BRAF: variants seen among roughly 807,000 people sequenced by gnomAD.
BRAF encodes the protein serine/threonine-protein kinase B-raf.
In BRAF, 16 loss-of-function variants were observed where a neutral mutation model predicts 104.6. The ratio of observed to expected loss-of-function variants is 0.15; its 90% CI spans 0.10 to 0.23. The LOEUF is 0.23. Among genes scored for constraint, BRAF ranks in the 10% least tolerant of loss-of-function variants. The pLI, the probability that BRAF is intolerant of heterozygous loss-of-function variation, is 1.00. For missense variants in BRAF, 541 were observed against 937.3 expected (o/e 0.58, Z 5.52); for synonymous variants, 310 against 341.6 (o/e 0.91, Z 1.02).
chr7:140,875,079 T>G (rs1043908598), intron 1 of BRAF, among the ~76,000 whole-genome samples: 2 of 152,198 alleles, frequency 1.3e-5, no homozygotes, highest in Non-Finnish European at 2.9e-5. Context: ...CAACTGAATC[T>G]CTGTTCTTTA....
chr7:140,713,585 TTGTC>T, the BRAF span, among the ~76,000 whole-genome samples: 1 of 152,206 alleles, frequency 6.6e-6, no homozygotes, highest in African/African-American at 2.4e-5. Flanking sequence ...AGTAGTTTGA[TTGTC>T]TGAAGCCTTC....
chr7:140,812,551 T>C (rs938472177), intron 3 of BRAF, among the ~76,000 whole-genome samples: 4 of 152,218 alleles, frequency 2.6e-5, no homozygotes, highest in South Asian at 2.1e-4. Flanking sequence ...CTAAGTTGCA[T>C]ATATATTTCA....
chr7:140,864,060 TTATAG>T (rs1256587854), intron 1 of BRAF, among the ~76,000 whole-genome samples: 2 of 152,314 alleles, frequency 1.3e-5, no homozygotes, highest in East Asian at 3.9e-4. Context: ...GCAGTATATA[TTATAG>T]TACCTCTAAT....
At chr7:140,873,879 C>T (rs1470447900) in intron 1 of BRAF, among the ~76,000 whole-genome samples, 1 of 152,168 alleles carries the variant, frequency 6.6e-6, no homozygotes, top group East Asian at 1.9e-4. Context: ...AGAAACCTTA[C>T]TGGCCTTGAA....
rs370327841 is a variant in BRAF, at chr7:140,870,365, T to C, written c.139-20153A>G. Among the ~76,000 whole-genome samples, 28 of 152,282 alleles carry C rather than the reference T, an allele frequency of 1.8e-4. 1 individual carries two copies. The highest frequency in any genetic ancestry group is 1.7e-3 in the East Asian group (9 of 5,188). On this transcript the variant is annotated intron_variant, in intron 1 of 19. Coordinates refer to ENST00000644969, the MANE Select transcript of BRAF (RefSeq NM_001374258.1). Reference sequence around the variant, plus strand: ...GACTTCTAAAAGAGAAATTAAAAAATAGAAACATTTCAAAAATATTCTTAA... The same window carrying C: ...GACTTCTAAAAGAGAAATTAAAAAACAGAAACATTTCAAAAATATTCTTAA...
intron 3 of BRAF, among the ~76,000 whole-genome samples, chr7:140,826,457 TTC>T (rs1359277909): frequency 1.3e-5 from 2 of 152,236 alleles, no homozygotes; most frequent in Non-Finnish European, 2.9e-5. Context: ...GTATTTGCTT[TTC>T]TCTTTCTCTG....
chr7:140,749,496 A>G (rs2128994922), intron 16 of BRAF, 78 bp from the exon 16 acceptor site: 1 of 1,483,870 alleles, frequency 6.7e-7, no homozygotes. Context: ...TAATTCCTAG[A>G]GCAATGCTTT....
At chr7:140,825,969 C>G (rs1806001616) in intron 3 of BRAF, among the ~76,000 whole-genome samples, 1 of 151,940 alleles carries the variant, frequency 6.6e-6, no homozygotes, top group Non-Finnish European at 1.5e-5. Context: ...TTGAATTTTT[C>G]TCTACTCATT....
intron 1 of BRAF, among the ~76,000 whole-genome samples, chr7:140,916,612 T>C (rs1189850075): frequency 1.3e-5 from 2 of 152,224 alleles, no homozygotes; most frequent in Non-Finnish European, 2.9e-5. Flanking sequence ...AAAAAGGACG[T>C]GATTGACTTT....
At chr7:140,819,069 C>T (rs1805194410) in intron 3 of BRAF, among the ~76,000 whole-genome samples, 1 of 152,178 alleles carries the variant, frequency 6.6e-6, no homozygotes, top group African/African-American at 2.4e-5. Flanking sequence ...CCTTGGAGAA[C>T]TTGTACATTT....
At chr7:140,764,249 C>G (rs1253215434) in intron 14 of BRAF, among the ~76,000 whole-genome samples, 14 of 151,274 alleles carry the variant, frequency 9.3e-5, no homozygotes, top group Non-Finnish European at 1.8e-4. Flanking sequence ...ATTCAACAAC[C>G]CTTCATGCTA....
At chr7:140,809,909 T>TCC (rs10642914) in intron 3 of BRAF, among the ~76,000 whole-genome samples, 45,453 of 151,646 alleles carry the variant, frequency 0.3, 10,805 homozygotes, top group African/African-American at 0.67. Flanking sequence ...TTTAAAGTTA[T>TCC]CTATCTTTAG....
At chr7:140,828,000 G>A (rs150033305) in intron 3 of BRAF, among the ~76,000 whole-genome samples, 6,528 of 152,130 alleles carry the variant, frequency 0.043, 209 homozygotes, top group Non-Finnish European at 0.068. Context: ...AGGTTCAAGC[G>A]ATTCTCCTGC....
chr7:140,783,287 G>T, intron 10 of BRAF, 130 bp from the exon 10 acceptor site: 2 of 1,181,274 alleles, frequency 1.7e-6, no homozygotes, highest in South Asian at 1.6e-5. Context: ...AGACCTTTTG[G>T]AAAGGATGGG....
chr7:140,864,914 T>A (rs1441385394), intron 1 of BRAF, among the ~76,000 whole-genome samples: 1 of 152,064 alleles, frequency 6.6e-6, no homozygotes, highest in Admixed American at 6.6e-5. Flanking sequence ...TGGTCTTCGA[T>A]AACAAATGAA....
chr7:140,785,043 A>T (rs1238197285), intron 10 of BRAF, among the ~76,000 whole-genome samples: 1 of 152,238 alleles, frequency 6.6e-6, no homozygotes, highest in Non-Finnish European at 1.5e-5. Context: ...TTCTATTAGG[A>T]CATAATTAAA....
At chr7:140,735,140 T>TAG (rs1796302482) in intron 18 of BRAF, among the ~76,000 whole-genome samples, 2 of 152,360 alleles carry the variant, frequency 1.3e-5, no homozygotes, top group South Asian at 4.1e-4. Context: ...AAGTCTCTTT[T>TAG]GGGAAGAAGA....
chr7:140,915,472 T>C (rs1279886849), intron 1 of BRAF, among the ~76,000 whole-genome samples: 1 of 151,594 alleles, frequency 6.6e-6, no homozygotes, highest in Non-Finnish European at 1.5e-5. Flanking sequence ...CTCACTCTTG[T>C]TGCCCAGGCT....
intron 19 of BRAF, chr7:140,734,453 A>T: frequency 1.3e-6 from 2 of 1,553,616 alleles, no homozygotes; most frequent in South Asian, 2.4e-5. Flanking sequence ...GGGAAAAATT[A>T]TATCTAGTCT....
Sources: allele counts gnomAD v4.1 joint callset (sites outside exome capture counted in the v4.1 genomes callset), GRCh38; gene constraint gnomAD v4.1.1; transcripts MANE v1.5; gene names NCBI Gene and HGNC (gene_info 2026-07-23, HGNC 2026-07-21).